Variants in ZNF589 observed in about 807,000 individuals in gnomAD.
ZNF589 encodes the protein zinc finger protein 589.
Under a neutral mutation model 13.6 loss-of-function variants are expected in ZNF589, and 17 were observed. That is an observed-to-expected ratio of 1.25 (90% CI 0.86 to 1.88). ZNF589 has a LOEUF of 1.88. Ranked by LOEUF, ZNF589 falls within the 40% of genes most tolerant of loss-of-function variation. The pLI, the probability that ZNF589 is intolerant of heterozygous loss-of-function variation, is 0.00. For missense variants in ZNF589, 407 were observed against 434.0 expected (o/e 0.94, Z 0.55); for synonymous variants, 148 against 161.6 (o/e 0.92, Z 0.64).
In ZNF589 at chr3:48,241,138, A is replaced by G. The variant is rs1295515135; in HGVS notation, c.-34A>G. On this transcript the variant is annotated 5_prime_UTR_variant, in exon 1 of 4. Transcript: ENST00000354698. ...AATCCGTTTCACACACGGTGCTGCT[A>G]CCTCGTTTGCTTCGTGCGTGCGTGC... is the stretch of plus-strand genomic sequence containing the variant. 4.4e-6 allele frequency: 7 copies of G among 1,607,348 alleles called. No homozygotes were observed. Among genetic ancestry groups the G allele is most frequent in the Non-Finnish European group, 5.9e-6 (7 of 1,177,148 alleles).
intron 3 of ZNF589, among the ~76,000 whole-genome samples, chr3:48,266,502 C>T (rs751563185): frequency 1.6e-4 from 24 of 152,162 alleles, no homozygotes; most frequent in Non-Finnish European, 3.2e-4. Flanking sequence ...AATCAGGAAT[C>T]GAAGAATGTG....
In ZNF589 at chr3:48,270,599, G is replaced by A. The variant is rs2034079935; in HGVS notation, c.*1813G>A. On this transcript the variant is annotated 3_prime_UTR_variant, in exon 4 of 4. Coordinates refer to ENST00000354698, the MANE Select transcript of ZNF589 (RefSeq NM_016089.3). ...GGGCTAGCCCTACCTGATACCCTGT[G>A]TCAATGAGTGTACCTTGGAGAGCTA... The A allele has an allele frequency of 3.7e-6, 1 of 267,194 alleles. No homozygotes were observed. The highest frequency in any genetic ancestry group is 2.2e-5 in the African/African-American group (1 of 45,556). The allele number at this position is 267,194 out of a possible 1,614,324, so 16.6% of individuals were successfully genotyped here. A position where few individuals can be genotyped will look rare whatever the true frequency, so the allele number is the denominator to read the frequency against.
chr3:48,269,127 G>T lies in ZNF589; in HGVS notation c.*341G>T. On this transcript the variant is annotated 3_prime_UTR_variant, in exon 4 of 4. Transcript: ENST00000354698. ...CCTTACACGTGCTTTGAGTGTGGGC[G>T]AAACTTTAGCCTCAAGTCCGCTCTT... 1.4e-6 allele frequency: 1 copy of T among 734,230 alleles called. No homozygotes were observed. 45.5% of individuals were successfully genotyped at this position (734,230 alleles called of 1,614,324 possible). A position where few individuals can be genotyped will look rare whatever the true frequency, so the allele number is the denominator to read the frequency against.
At chr3:48,250,729 C>T (rs999158979) in intron 2 of ZNF589, among the ~76,000 whole-genome samples, 3 of 152,140 alleles carry the variant, frequency 2.0e-5, no homozygotes, top group African/African-American at 7.2e-5. Flanking sequence ...TCCTCGGCCT[C>T]CCGAAGTGCT....
chr3:48,250,344 G>A (rs1285698186), intron 2 of ZNF589, among the ~76,000 whole-genome samples: 1 of 142,968 alleles, frequency 7.0e-6, no homozygotes. Flanking sequence ...ATAGAGACGG[G>A]TCTCACTATG....
intron 3 of ZNF589, 125 bp from the exon 4 acceptor site, chr3:48,267,790 A>G (rs2106850261): frequency 2.1e-6 from 2 of 957,684 alleles, no homozygotes; most frequent in East Asian, 5.0e-5. Context: ...TAGGTCCTGC[A>G]CAGCACATCT....
At chr3:48,242,133 A>G (rs1440106033) in intron 1 of ZNF589, among the ~76,000 whole-genome samples, 1 of 151,232 alleles carries the variant, frequency 6.6e-6, no homozygotes, top group South Asian at 2.1e-4. Flanking sequence ...TTTTTTGGAG[A>G]CAGAGTCTTG....
Position 48,269,644 on chromosome 3 carries a change from A to T in ZNF589, c.*858A>T. 1 of 332,830 alleles carries T rather than the reference A, an allele frequency of 3.0e-6. No individual in the cohort carries two copies. Among genetic ancestry groups the T allele is most frequent in the Non-Finnish European group, 5.9e-6 (1 of 169,246 alleles). The allele number at this position is 332,830 out of a possible 1,614,324, so 20.6% of individuals were successfully genotyped here. A position where few individuals can be genotyped will look rare whatever the true frequency, so the allele number is the denominator to read the frequency against. ...TGGAGTGTGGGCAAAGCTTTAGGAG[A>T]AAGTCACAGCTCATCATACACCAGA... On this transcript the variant is annotated 3_prime_UTR_variant, in exon 4 of 4. Coordinates refer to ENST00000354698, the MANE Select transcript of ZNF589 (RefSeq NM_016089.3).
chr3:48,249,119 T>TC (rs2033804476), intron 2 of ZNF589, among the ~76,000 whole-genome samples: 2 of 151,822 alleles, frequency 1.3e-5, no homozygotes, highest in Non-Finnish European at 2.9e-5. Context: ...TTTTTTTTTT[T>TC]GAGACAGAGT....
Position 48,268,354 on chromosome 3 carries a change from A to C in ZNF589, c.663A>C (p.Ala221=), listed in dbSNP as rs779389997. The stretch of plus-strand genomic sequence containing the variant: ...GAGCAGTCACGTTTGGGGAGTGTGC[A>C]CTAGCTTTTAACCAGAAGTCAAACC... ...GFGAVTFGEC[A]LAFNQKSNLF... The change falls in exon 4 of 4, where the codon GCA becomes GCC. Residue 221 remains alanine, a synonymous_variant. Coordinates refer to ENST00000354698, the MANE Select transcript of ZNF589 (RefSeq NM_016089.3). The C allele has an allele frequency of 3.1e-6, 5 of 1,614,058 alleles. No individual in the cohort carries two copies. The highest frequency in any genetic ancestry group is 4.2e-6 in the Non-Finnish European group (5 of 1,180,016).
chr3:48,256,881 C>T (rs761122439), intron 2 of ZNF589: 2 of 973,336 alleles, frequency 2.1e-6, no homozygotes, highest in Non-Finnish European at 3.2e-6. Flanking sequence ...GCTGGGCCTG[C>T]TAGGAGCCCA....
In ZNF589 at chr3:48,268,822, A is replaced by C; in HGVS notation, c.*36A>C. On this transcript the variant is annotated 3_prime_UTR_variant, in exon 4 of 4. Coordinates refer to ENST00000354698, the MANE Select transcript of ZNF589 (RefSeq NM_016089.3). ...TTGTAAGGAGATCATGTCTCAACAC[A>C]CACCAGAGGATACATTCAGATGAGA... The C allele has an allele frequency of 6.3e-7, 1 of 1,584,540 alleles. No homozygotes were observed. Among genetic ancestry groups the C allele is most frequent in the Admixed American group, 1.8e-5 (1 of 56,746 alleles).
chr3:48,264,410 G>A (rs1189649608), intron 3 of ZNF589, among the ~76,000 whole-genome samples: 1 of 152,098 alleles, frequency 6.6e-6, no homozygotes, highest in African/African-American at 2.4e-5. Flanking sequence ...GCACGTGCCT[G>A]TAATCCCAGC....
At chr3:48,252,617 C>CTTTTT (rs71625863) in intron 2 of ZNF589, among the ~76,000 whole-genome samples, 25 of 97,288 alleles carry the variant, frequency 2.6e-4, no homozygotes, top group East Asian at 8.6e-4. Flanking sequence ...AGAATAATAT[C>CTTTTT]TTTTTTTTTT....
chr3:48,251,028 G>A (rs2033832616), intron 2 of ZNF589, among the ~76,000 whole-genome samples: 1 of 152,198 alleles, frequency 6.6e-6, no homozygotes, highest in African/African-American at 2.4e-5. Flanking sequence ...TGGGATTGCA[G>A]GTGTGAGCCA....
At position 48,268,519 on chromosome 3, in the gene ZNF589, T is replaced by C; in HGVS notation, c.828T>C (p.Tyr276=). The change falls in exon 4 of 4, where the codon TAT becomes TAC. Residue 276 remains tyrosine (Y), a synonymous_variant. Coordinates refer to ENST00000354698, the MANE Select transcript of ZNF589 (RefSeq NM_016089.3). ...GGACACACACAGGAGAAAAGCCTTA[T>C]GTCTGCGGAGAGTGTGGGCGAGGCT... The part of the protein sequence containing the change: ...HQRTHTGEKP[Y]VCGECGRGFI... The C allele has an allele frequency of 6.2e-7, 1 of 1,613,546 alleles. No individual in the cohort carries two copies. The highest frequency in any genetic ancestry group is 8.5e-7 in the Non-Finnish European group (1 of 1,179,844).
At chr3:48,249,168 T>G (rs571147786) in intron 2 of ZNF589, among the ~76,000 whole-genome samples, 5 of 151,898 alleles carry the variant, frequency 3.3e-5, no homozygotes, top group African/African-American at 1.2e-4. Context: ...AATGGCATGA[T>G]CTCGGCTCAC....
intron 2 of ZNF589, among the ~76,000 whole-genome samples, chr3:48,249,042 A>G (rs1435690036): frequency 6.6e-6 from 1 of 151,874 alleles, no homozygotes; most frequent in Non-Finnish European, 1.5e-5. Context: ...CTTCATTATC[A>G]GGGAAGCAGC....
chr3:48,257,681 T>C (rs914449390), intron 2 of ZNF589, among the ~76,000 whole-genome samples: 1 of 152,192 alleles, frequency 6.6e-6, no homozygotes, highest in African/African-American at 2.4e-5. Flanking sequence ...GTATTTTTTC[T>C]AGTATTTTTA....
Sources: gnomAD v4.1 joint callset for allele counts (sites outside exome capture counted in the v4.1 genomes callset) on GRCh38, gnomAD v4.1.1 for gene constraint, MANE v1.5 for transcripts, NCBI Gene and HGNC (gene_info 2026-07-23, HGNC 2026-07-21) for gene names.